The following SLC35F1 variants were observed in gnomAD, a reference collection of about 807,000 sequenced individuals.
SLC35F1 encodes the protein solute carrier family 35 member F1, also known as chromosome 6 open reading frame 169.
Under a neutral mutation model 48.7 loss-of-function variants are expected in SLC35F1, and 14 were observed. The ratio of observed to expected loss-of-function variants is 0.29; its 90% confidence interval spans 0.19 to 0.45. The LOEUF (loss-of-function observed/expected upper bound fraction) is 0.45. SLC35F1 is among the 20% of genes least tolerant of loss of function. The probability of loss-of-function intolerance (pLI) is 1.00; values close to 1 mark genes in which losing one functional copy is unlikely to be tolerated. For synonymous variants in SLC35F1, 190 were observed against 202.2 expected (o/e 0.94, Z 0.51); for missense variants, 404 against 500.0 (o/e 0.81, Z 1.83).
At chr6:117,999,021 G>T in intron 1 of SLC35F1, 2 of 1,438,746 alleles carry the variant, frequency 1.4e-6, no homozygotes, top group Non-Finnish European at 1.9e-6. Context: ...TCCCGAAAAT[G>T]GCACAGAAAT....
intron 2 of SLC35F1, among the ~76,000 whole-genome samples, chr6:118,159,003 G>A (rs1774185578): frequency 6.6e-6 from 1 of 151,972 alleles, no homozygotes; most frequent in Middle Eastern, 3.2e-3. Flanking sequence ...GGCAGACCAC[G>A]AGGTCAGAAG....
At chr6:118,213,868 G>C (rs184778829) in intron 2 of SLC35F1, among the ~76,000 whole-genome samples, 1 of 152,146 alleles carries the variant, frequency 6.6e-6, no homozygotes, top group Admixed American at 6.5e-5. Flanking sequence ...TTGCTTCTTA[G>C]GATAGGAGGA....
intron 1 of SLC35F1, among the ~76,000 whole-genome samples, chr6:118,045,764 T>C (rs1256548342): frequency 6.6e-6 from 1 of 152,214 alleles, no homozygotes; most frequent in Non-Finnish European, 1.5e-5. Flanking sequence ...GATGAAGTTA[T>C]TATAGTGAGT....
At chr6:118,001,174 G>T (rs1480274037) in intron 1 of SLC35F1, among the ~76,000 whole-genome samples, 2 of 152,192 alleles carry the variant, frequency 1.3e-5, no homozygotes, top group Non-Finnish European at 2.9e-5. Flanking sequence ...AAAGCTGGAG[G>T]CATCACACTA....
At chr6:118,287,224 T>G (rs1413512700) in intron 7 of SLC35F1, among the ~76,000 whole-genome samples, 5 of 152,088 alleles carry the variant, frequency 3.3e-5, no homozygotes. Flanking sequence ...CACCCAGTCA[T>G]TTTCCAGAGC....
At chr6:118,022,160 T>A (rs1330282319) in intron 1 of SLC35F1, among the ~76,000 whole-genome samples, 1 of 152,164 alleles carries the variant, frequency 6.6e-6, no homozygotes, top group African/African-American at 2.4e-5. Context: ...TTGCAGTATA[T>A]CACAGAACAT....
Position 118,030,139 on chromosome 6 carries a change from G to GA in SLC35F1, c.173+122242dup, listed in dbSNP as rs772214050. 8.7e-4 allele frequency among the ~76,000 whole-genome samples: 132 copies of GA among 152,156 alleles called. 2 individuals carry two copies. Among genetic ancestry groups the GA allele is most frequent in the Non-Finnish European group, 5.4e-4 (37 of 68,040 alleles). On this transcript the variant is annotated intron_variant, in intron 1 of 7. Transcript: ENST00000360388. Reference sequence around the variant, plus strand: ...AAGCAAACAATGCTTCCCTCTGGGGGAATCACATTCCATGTGCAAAGTTGC... The same window carrying GA: ...AAGCAAACAATGCTTCCCTCTGGGGGAAATCACATTCCATGTGCAAAGTTGC...
chr6:118,153,886 G>T (rs1177918875), intron 1 of SLC35F1, among the ~76,000 whole-genome samples: 1 of 152,132 alleles, frequency 6.6e-6, no homozygotes, highest in Non-Finnish European at 1.5e-5. Context: ...TCTGGGAATG[G>T]ACAGCAGATG....
chr6:118,259,193 T>C (rs1380085798), intron 3 of SLC35F1, among the ~76,000 whole-genome samples: 6 of 151,844 alleles, frequency 4.0e-5, no homozygotes, highest in Non-Finnish European at 8.8e-5. Flanking sequence ...ATTATAAAAG[T>C]TTATGTTTGA....
intron 1 of SLC35F1, among the ~76,000 whole-genome samples, chr6:118,088,893 C>A (rs924335520): frequency 6.6e-6 from 1 of 152,292 alleles, no homozygotes; most frequent in East Asian, 1.9e-4. Flanking sequence ...CTGGATTCAC[C>A]CACAGAAGGC....
intron 1 of SLC35F1, among the ~76,000 whole-genome samples, chr6:118,078,248 C>T (rs537344994): frequency 1.1e-4 from 16 of 152,094 alleles, no homozygotes; most frequent in Non-Finnish European, 2.1e-4. Flanking sequence ...AGAGGCAGCT[C>T]GAGTTGAATA....
At chr6:117,988,755 A>G (rs1776880079) in intron 1 of SLC35F1, among the ~76,000 whole-genome samples, 1 of 152,174 alleles carries the variant, frequency 6.6e-6, no homozygotes, top group Non-Finnish European at 1.5e-5. Flanking sequence ...CTTAGTTTCT[A>G]TTATTAAAGT....
intron 7 of SLC35F1, among the ~76,000 whole-genome samples, chr6:118,290,782 T>A (rs1487719947): frequency 2.1e-5 from 3 of 142,110 alleles, no homozygotes; most frequent in Non-Finnish European, 4.5e-5. Context: ...AGATGGGCTA[T>A]CTCAGAAAAT....
chr6:118,298,574 C>T (rs1347537036), intron 7 of SLC35F1, among the ~76,000 whole-genome samples: 2 of 152,146 alleles, frequency 1.3e-5, no homozygotes, highest in African/African-American at 4.8e-5. Context: ...AGTTTCTTGA[C>T]TGTTTCCTGA....
intron 4 of SLC35F1, among the ~76,000 whole-genome samples, chr6:118,272,791 T>A (rs1418520833): frequency 1.1e-4 from 16 of 144,650 alleles, no homozygotes; most frequent in Admixed American, 4.8e-4. Flanking sequence ...TTTTTTAGCA[T>A]AGAAATTTAG....
chr6:118,210,884 T>A (rs935288034), intron 2 of SLC35F1, among the ~76,000 whole-genome samples: 1 of 152,216 alleles, frequency 6.6e-6, no homozygotes, highest in Admixed American at 6.5e-5. Flanking sequence ...TGGGCTGAAC[T>A]GTGCCTCTCC....
intron 2 of SLC35F1, among the ~76,000 whole-genome samples, chr6:118,164,282 A>G (rs1169735979): frequency 1.3e-5 from 2 of 152,172 alleles, no homozygotes; most frequent in Non-Finnish European, 2.9e-5. Context: ...TTGTTTTACT[A>G]TTTGAAGCTT....
intron 1 of SLC35F1, among the ~76,000 whole-genome samples, chr6:118,053,483 G>A (rs1298063277): frequency 6.6e-6 from 1 of 151,970 alleles, no homozygotes; most frequent in Non-Finnish European, 1.5e-5. Flanking sequence ...TAATACAGAA[G>A]GTCATTAAAT....
intron 2 of SLC35F1, among the ~76,000 whole-genome samples, chr6:118,194,003 A>G (rs921658809): frequency 6.6e-6 from 1 of 152,192 alleles, no homozygotes; most frequent in African/African-American, 2.4e-5. Flanking sequence ...TTTTTCTTTC[A>G]AAATATTTGA....
Sources: gnomAD v4.1 joint callset for allele counts (sites outside exome capture counted in the v4.1 genomes callset) on GRCh38, gnomAD v4.1.1 for gene constraint, MANE v1.5 for transcripts, NCBI Gene and HGNC (gene_info 2026-07-23, HGNC 2026-07-21) for gene names.